ELMO1: variants seen among roughly 807,000 people sequenced by gnomAD.
ELMO1 encodes the protein engulfment and cell motility protein 1.
A neutral mutation model predicts 98.9 loss-of-function variants in ELMO1; 26 were observed. The observed-to-expected ratio is 0.26, with a 90% confidence interval of 0.19 to 0.36. The LOEUF (loss-of-function observed/expected upper bound fraction) is 0.36. Ranked by LOEUF, ELMO1 falls within the 10% of genes least tolerant of loss-of-function variation. The pLI is 1.00. For missense variants in ELMO1, 627 were observed against 935.2 expected (o/e 0.67, Z 4.30); for synonymous variants, 346 against 346.0 (o/e 1.00, Z 0.00).
intron 2 of ELMO1, among the ~76,000 whole-genome samples, chr7:37,338,017 G>A (rs369699760): frequency 6.6e-6 from 1 of 152,116 alleles, no homozygotes; most frequent in East Asian, 1.9e-4. Flanking sequence ...GAAAAAGTTA[G>A]GCAGAGAAAG....
At chr7:36,959,331 T>G (rs1788743625) in intron 16 of ELMO1, among the ~76,000 whole-genome samples, 1 of 152,072 alleles carries the variant, frequency 6.6e-6, no homozygotes, top group South Asian at 2.1e-4. Context: ...GTCACTCCGG[T>G]GCTCAAAACT....
chr7:37,090,053 G>A (rs574394860), intron 15 of ELMO1, among the ~76,000 whole-genome samples: 40 of 152,266 alleles, frequency 2.6e-4, no homozygotes, highest in African/African-American at 5.8e-4. Context: ...GAGATCCACC[G>A]GAAGAGATGG....
At chr7:36,872,588 C>T (rs1021060560) in intron 19 of ELMO1, among the ~76,000 whole-genome samples, 2 of 152,156 alleles carry the variant, frequency 1.3e-5, no homozygotes, top group Non-Finnish European at 2.9e-5. Context: ...CCCTATGATT[C>T]CTGAACCTAC....
chr7:37,172,799 A>C (rs1039047967), intron 13 of ELMO1, among the ~76,000 whole-genome samples: 13 of 152,216 alleles, frequency 8.5e-5, no homozygotes, highest in South Asian at 8.3e-4. Flanking sequence ...GCTAAAAAAA[A>C]ATTTGTTCCA....
intron 9 of ELMO1, among the ~76,000 whole-genome samples, chr7:37,224,055 G>A (rs1473319477): frequency 6.6e-6 from 1 of 152,160 alleles, no homozygotes; most frequent in Admixed American, 6.5e-5. Flanking sequence ...GAGGACTCCG[G>A]GGAAGCTATG....
chr7:36,856,335 C>T (rs1381615608), intron 21 of ELMO1, among the ~76,000 whole-genome samples: 1 of 152,190 alleles, frequency 6.6e-6, no homozygotes, highest in Non-Finnish European at 1.5e-5. Flanking sequence ...AGGAAATAGG[C>T]TTATGCTGCC....
intron 1 of ELMO1, among the ~76,000 whole-genome samples, chr7:37,402,696 G>A (rs1031678039): frequency 1.7e-4 from 26 of 152,108 alleles, no homozygotes; most frequent in African/African-American, 6.0e-4. Flanking sequence ...TTATACTAAA[G>A]GACACTGTTA....
intron 15 of ELMO1, among the ~76,000 whole-genome samples, chr7:37,092,565 A>T (rs1784167075): frequency 1.3e-5 from 2 of 149,498 alleles, no homozygotes. Flanking sequence ...TTTTGTAGAG[A>T]TGGGTTTCAC....
intron 16 of ELMO1, among the ~76,000 whole-genome samples, chr7:36,896,930 G>A (rs1365137278): frequency 6.6e-6 from 1 of 152,166 alleles, no homozygotes. Context: ...GCTGGACATG[G>A]TGAGAGACAA....
intron 14 of ELMO1, chr7:37,116,874 T>C (rs1238867860): frequency 1.5e-5 from 3 of 197,694 alleles, no homozygotes; most frequent in Non-Finnish European, 3.2e-5. Context: ...CAGGAACGAG[T>C]GTGTGGGCAA....
chr7:37,122,482 G>C (rs912640344), intron 14 of ELMO1, among the ~76,000 whole-genome samples: 21 of 152,130 alleles, frequency 1.4e-4, no homozygotes, highest in East Asian at 9.7e-4. Flanking sequence ...GCAGGGGTTG[G>C]AATCCTAGTC....
intron 1 of ELMO1, among the ~76,000 whole-genome samples, chr7:37,403,585 C>T (rs1001929319): frequency 6.6e-6 from 1 of 152,180 alleles, no homozygotes; most frequent in African/African-American, 2.4e-5. Context: ...CACTCTGTCA[C>T]CCAGGCTGGA....
intron 21 of ELMO1, among the ~76,000 whole-genome samples, chr7:36,856,854 T>C (rs1212451846): frequency 6.6e-6 from 1 of 152,208 alleles, no homozygotes; most frequent in Non-Finnish European, 1.5e-5. Context: ...TGGTCTTCCT[T>C]CTACCATGCA....
At chr7:36,930,008 T>C (rs1454932571) in intron 16 of ELMO1, among the ~76,000 whole-genome samples, 1 of 152,238 alleles carries the variant, frequency 6.6e-6, no homozygotes, top group Non-Finnish European at 1.5e-5. Context: ...TGAGAGATTA[T>C]GTTGGTCATT....
chr7:37,444,660 C>T (rs1298449986), intron 1 of ELMO1, among the ~76,000 whole-genome samples: 2 of 150,026 alleles, frequency 1.3e-5, no homozygotes, highest in East Asian at 1.9e-4. Flanking sequence ...CTACAGGCAC[C>T]CACTACCACG....
chr7:37,164,170 C>A (rs1260960186), intron 13 of ELMO1, among the ~76,000 whole-genome samples: 1 of 152,108 alleles, frequency 6.6e-6, no homozygotes, highest in African/African-American at 2.4e-5. Context: ...CCTTTGCCCA[C>A]TTTTTCATGG....
At chr7:37,108,969 T>C (rs1563006529) in intron 14 of ELMO1, among the ~76,000 whole-genome samples, 1 of 152,212 alleles carries the variant, frequency 6.6e-6, no homozygotes, top group Non-Finnish European at 1.5e-5. Context: ...GTCCTCCATA[T>C]TCCCTATTCT....
chr7:37,437,337 G>A (rs556825281), intron 1 of ELMO1, among the ~76,000 whole-genome samples: 40 of 152,234 alleles, frequency 2.6e-4, no homozygotes, highest in Admixed American at 1.3e-4. Context: ...TAAAATCTCA[G>A]GTTAGTTCAA....
intron 16 of ELMO1, among the ~76,000 whole-genome samples, chr7:36,999,940 C>CA (rs929353763): frequency 6.6e-6 from 1 of 152,048 alleles, no homozygotes; most frequent in Non-Finnish European, 1.5e-5. Flanking sequence ...AAACTGCATC[C>CA]AAAAAACATT....
Sources: gnomAD v4.1 joint callset for allele counts (sites outside exome capture counted in the v4.1 genomes callset) on GRCh38, gnomAD v4.1.1 for gene constraint, MANE v1.5 for transcripts, NCBI Gene and HGNC (gene_info 2026-07-23, HGNC 2026-07-21) for gene names.